Variants in SETBP1 observed in about 807,000 individuals in gnomAD.
SETBP1 encodes SET-binding protein.
SETBP1 carries 9 observed loss-of-function variants against 101.0 expected under a neutral mutation model. The observed-to-expected ratio is 0.09, with a 90% CI of 0.05 to 0.16. SETBP1 has a LOEUF of 0.16. SETBP1 is among the 10% of genes least tolerant of loss of function. The pLI is 1.00. For synonymous variants in SETBP1, 818 were observed against 788.5 expected (o/e 1.04, Z -0.63); for missense variants, 1,858 against 2,033.8 (o/e 0.91, Z 1.66).
intron 2 of SETBP1, among the ~76,000 whole-genome samples, chr18:44,723,638 TAC>T: frequency 6.6e-6 from 1 of 152,320 alleles, no homozygotes; most frequent in South Asian, 2.1e-4. Context: ...CCCATCTTAT[TAC>T]AGTTTGGCAC....
chr18:45,043,935 A>G (rs775875744), intron 5 of SETBP1, among the ~76,000 whole-genome samples: 2 of 152,256 alleles, frequency 1.3e-5, no homozygotes, highest in Non-Finnish European at 2.9e-5. Flanking sequence ...GTTTTCTCTT[A>G]GCCAGCTGCC....
chr18:44,994,757 G>A (rs981052727), intron 4 of SETBP1, among the ~76,000 whole-genome samples: 1 of 152,190 alleles, frequency 6.6e-6, no homozygotes, highest in Non-Finnish European at 1.5e-5. Context: ...CTTAGAAATA[G>A]CATGTTGAGC....
intron 2 of SETBP1, among the ~76,000 whole-genome samples, chr18:44,813,864 T>C (rs538360265): frequency 6.4e-4 from 98 of 152,178 alleles, no homozygotes; most frequent in African/African-American, 2.3e-3. Flanking sequence ...CACTGATGGG[T>C]TTTTTGTTGT....
chr18:45,037,980 T>C (rs940673800), intron 4 of SETBP1, among the ~76,000 whole-genome samples: 1 of 152,154 alleles, frequency 6.6e-6, no homozygotes, highest in Non-Finnish European at 1.5e-5. Flanking sequence ...TCAACACTGA[T>C]CTCTCCATCC....
intron 3 of SETBP1, among the ~76,000 whole-genome samples, chr18:44,940,302 TC>T (rs2071058048): frequency 6.6e-6 from 1 of 152,182 alleles, no homozygotes; most frequent in African/African-American, 2.4e-5. Context: ...GTTCAGTTTT[TC>T]TTTTTTATTC....
At chr18:44,827,777 G>T (rs1174831529) in intron 2 of SETBP1, among the ~76,000 whole-genome samples, 1 of 152,164 alleles carries the variant, frequency 6.6e-6, no homozygotes, top group East Asian at 1.9e-4. Context: ...AATGGCACAG[G>T]TTTAGTATTG....
chr18:45,057,924 A>C (rs572984533), intron 5 of SETBP1, among the ~76,000 whole-genome samples: 14 of 152,348 alleles, frequency 9.2e-5, no homozygotes, highest in African/African-American at 2.6e-4. Context: ...TCCAAAAAGC[A>C]GTGCTAAGTC....
upstream of SETBP1, chr18:44,680,758 C>G (rs989960583): frequency 2.0e-5 from 3 of 152,198 alleles, no homozygotes; most frequent in Non-Finnish European, 4.4e-5. Flanking sequence ...CCGCCCCCCG[C>G]CTTTTGCACC....
chr18:44,868,215 T>C (rs1175024554), intron 2 of SETBP1, among the ~76,000 whole-genome samples: 1 of 152,200 alleles, frequency 6.6e-6, no homozygotes, highest in Non-Finnish European at 1.5e-5. Flanking sequence ...ATAACTGACT[T>C]TTATTCTTTT....
chr18:44,991,244 C>CAAAAAAAAAAA (rs55811938), intron 4 of SETBP1, among the ~76,000 whole-genome samples: 8 of 68,180 alleles, frequency 1.2e-4, no homozygotes, highest in Non-Finnish European at 1.4e-4. Context: ...CTGCATCTCA[C>CAAAAAAAAAAA]AAAAAAAAAA....
chr18:44,729,680 A>G (rs1303160556), intron 2 of SETBP1, among the ~76,000 whole-genome samples: 1 of 152,216 alleles, frequency 6.6e-6, no homozygotes, highest in Non-Finnish European at 1.5e-5. Flanking sequence ...GGGCTTTGGA[A>G]TCTGTTAATA....
rs115537515 is a variant in SETBP1 at position 45,051,136 on chromosome 18, C to T, written c.4172-11943C>T. On this transcript the variant is annotated intron_variant, in intron 5 of 5. Coordinates refer to ENST00000649279, the MANE Select transcript of SETBP1 (RefSeq NM_015559.3). Reference sequence around the variant, plus strand: ...GTTTATGACTCACTCTCCTACTCCACGCATTGTAACTTGGATTTGTTTACA... The same window carrying T: ...GTTTATGACTCACTCTCCTACTCCATGCATTGTAACTTGGATTTGTTTACA... 5.9e-3 allele frequency among the ~76,000 whole-genome samples: 891 copies of T among 152,226 alleles called. 8 individuals carry two copies. Among genetic ancestry groups the T allele is most frequent in the African/African-American group, 0.02 (848 of 41,514 alleles).
chr18:44,791,740 A>C (rs1475783964), intron 2 of SETBP1, among the ~76,000 whole-genome samples: 3 of 151,984 alleles, frequency 2.0e-5, no homozygotes, highest in Non-Finnish European at 2.9e-5. Flanking sequence ...AGAGAGAGAG[A>C]GCGAGAGAGA....
chr18:44,967,290 A>G (rs879501310), intron 4 of SETBP1, among the ~76,000 whole-genome samples: 1 of 152,224 alleles, frequency 6.6e-6, no homozygotes, highest in Non-Finnish European at 1.5e-5. Context: ...TTCTCTGGAA[A>G]GGGCAGTCAT....
intron 2 of SETBP1, among the ~76,000 whole-genome samples, chr18:44,737,020 C>G (rs1056420619): frequency 1.3e-5 from 2 of 152,064 alleles, no homozygotes; most frequent in African/African-American, 4.8e-5. Flanking sequence ...CCTGGTAGAC[C>G]GTAGACACTT....
intron 2 of SETBP1, among the ~76,000 whole-genome samples, chr18:44,812,138 C>A (rs767910811): frequency 6.6e-6 from 1 of 152,058 alleles, no homozygotes; most frequent in Non-Finnish European, 1.5e-5. Context: ...AGGAGAGCTG[C>A]ATGTAAGTCT....
intron 2 of SETBP1, among the ~76,000 whole-genome samples, chr18:44,828,403 TG>T (rs2072283108): frequency 1.3e-5 from 2 of 152,254 alleles, no homozygotes; most frequent in Admixed American, 1.3e-4. Flanking sequence ...CATTATTCAA[TG>T]TAGTAGATGA....
intron 2 of SETBP1, among the ~76,000 whole-genome samples, chr18:44,770,828 C>T (rs958832307): frequency 2.0e-5 from 3 of 151,832 alleles, no homozygotes; most frequent in Non-Finnish European, 4.4e-5. Context: ...AGTTGGATTC[C>T]AGAAGGCATT....
At chr18:44,856,348 T>C (rs956638887) in intron 2 of SETBP1, among the ~76,000 whole-genome samples, 1 of 152,222 alleles carries the variant, frequency 6.6e-6, no homozygotes, top group African/African-American at 2.4e-5. Context: ...ATCCCTTCCA[T>C]GCTAAGACTT....
Sources: gnomAD v4.1 joint callset for allele counts (sites outside exome capture counted in the v4.1 genomes callset) on GRCh38, gnomAD v4.1.1 for gene constraint, MANE v1.5 for transcripts, NCBI Gene and HGNC (gene_info 2026-07-23, HGNC 2026-07-21) for gene names.